The following PRKCB variants were observed in gnomAD, a reference collection of about 807,000 sequenced individuals.
PRKCB encodes the protein protein kinase C beta.
In PRKCB, 13 loss-of-function variants were observed where a neutral mutation model predicts 81.5. The observed-to-expected ratio is 0.16, with a 90% CI of 0.10 to 0.25. PRKCB has a LOEUF of 0.25. PRKCB is among the 10% of genes least tolerant of loss of function. The pLI is 1.00. For missense variants in PRKCB, 509 were observed against 875.7 expected (o/e 0.58, Z 5.29); for synonymous variants, 335 against 321.4 (o/e 1.04, Z -0.45).
chr16:24,175,708 G>A (rs1224094966), intron 12 of PRKCB, among the ~76,000 whole-genome samples: 1 of 151,808 alleles, frequency 6.6e-6, no homozygotes, highest in East Asian at 1.9e-4. Flanking sequence ...ACAGTAGCTA[G>A]CACCTGTAAT....
At chr16:23,999,612 C>G (rs1965005749) in intron 3 of PRKCB, among the ~76,000 whole-genome samples, 3 of 152,198 alleles carry the variant, frequency 2.0e-5, no homozygotes, top group Admixed American at 6.5e-5. Context: ...TTGATCTCAC[C>G]AGGCAGGAAA....
At chr16:24,083,309 C>T (rs751146383) in intron 5 of PRKCB, among the ~76,000 whole-genome samples, 17 of 152,196 alleles carry the variant, frequency 1.1e-4, no homozygotes, top group African/African-American at 3.6e-4. Context: ...GCTAAACAAA[C>T]GCATATAACT....
chr16:23,973,370 T>C (rs1453239934), intron 2 of PRKCB, among the ~76,000 whole-genome samples: 3 of 152,056 alleles, frequency 2.0e-5, no homozygotes, highest in Non-Finnish European at 4.4e-5. Flanking sequence ...TTAGTAGAGA[T>C]GGGGATTTCA....
chr16:23,957,369 A>G (rs1964363654), intron 2 of PRKCB, among the ~76,000 whole-genome samples: 1 of 152,228 alleles, frequency 6.6e-6, no homozygotes, highest in Non-Finnish European at 1.5e-5. Flanking sequence ...TAAACCTTGT[A>G]AGCCCTGGAA....
At chr16:24,182,903 T>TGTGTGTGTGTG (rs1311568875) in intron 13 of PRKCB, among the ~76,000 whole-genome samples, 9 of 35,160 alleles carry the variant, frequency 2.6e-4, no homozygotes, top group South Asian at 2.2e-3. Context: ...GTGTGTGTGT[T>TGTGTGTGTGTG]TGAGACAGGG....
chr16:24,059,494 CA>C (rs869268124), intron 5 of PRKCB, among the ~76,000 whole-genome samples: 19 of 150,612 alleles, frequency 1.3e-4, no homozygotes, highest in African/African-American at 4.2e-4. Context: ...TCCATTTCTA[CA>C]AAAAAAAATT....
chr16:24,108,935 A>G (rs1966620873), intron 7 of PRKCB, among the ~76,000 whole-genome samples: 1 of 148,552 alleles, frequency 6.7e-6, no homozygotes, highest in South Asian at 2.1e-4. Flanking sequence ...GCGGCCGGGC[A>G]GAGGCGCCCC....
chr16:23,851,926 A>G (rs1361755806), intron 2 of PRKCB, among the ~76,000 whole-genome samples: 1 of 152,172 alleles, frequency 6.6e-6, no homozygotes, highest in Non-Finnish European at 1.5e-5. Context: ...GAATAATTAG[A>G]TAATCTAATA....
intron 3 of PRKCB, among the ~76,000 whole-genome samples, chr16:24,017,448 C>G (rs1414436626): frequency 6.6e-6 from 1 of 151,968 alleles, no homozygotes; most frequent in Non-Finnish European, 1.5e-5. Flanking sequence ...ACAGCAGAGA[C>G]AGAAACCATA....
chr16:23,884,912 A>G (rs1963175652), intron 2 of PRKCB, among the ~76,000 whole-genome samples: 1 of 24,480 alleles, frequency 4.1e-5, no homozygotes, highest in African/African-American at 1.8e-4. Flanking sequence ...TTCAGCAAAT[A>G]TGGATGATTG....
At chr16:24,019,446 AT>A (rs1307227457) in intron 3 of PRKCB, among the ~76,000 whole-genome samples, 1 of 152,144 alleles carries the variant, frequency 6.6e-6, no homozygotes, top group Non-Finnish European at 1.5e-5. Context: ...CAGCACCTTG[AT>A]TTTTTTGTTT....
intron 7 of PRKCB, among the ~76,000 whole-genome samples, chr16:24,110,715 T>C (rs1020050273): frequency 6.6e-6 from 1 of 151,870 alleles, no homozygotes; most frequent in Admixed American, 6.6e-5. Flanking sequence ...AGACAGGGTC[T>C]CGCTATGTTG....
chr16:23,926,234 G>GC (rs919353620), intron 2 of PRKCB, among the ~76,000 whole-genome samples: 7 of 151,952 alleles, frequency 4.6e-5, no homozygotes, highest in Non-Finnish European at 7.4e-5. Context: ...TCACACAACT[G>GC]CCCCCCAGCC....
chr16:23,867,340 T>A (rs1397695264), intron 2 of PRKCB, among the ~76,000 whole-genome samples: 1 of 152,174 alleles, frequency 6.6e-6, no homozygotes, highest in East Asian at 1.9e-4. Context: ...CAGGTGGGTC[T>A]TGAACTCCTG....
At chr16:24,075,161 T>C (rs934487034) in intron 5 of PRKCB, among the ~76,000 whole-genome samples, 1 of 150,252 alleles carries the variant, frequency 6.7e-6, no homozygotes, top group African/African-American at 2.5e-5. Context: ...TTAAATAAAA[T>C]GCAAAACTCA....
At chr16:23,920,661 C>G (rs1406304198) in intron 2 of PRKCB, among the ~76,000 whole-genome samples, 1 of 152,142 alleles carries the variant, frequency 6.6e-6, no homozygotes, top group Non-Finnish European at 1.5e-5. Flanking sequence ...GCATTCTCTG[C>G]ATACTCTTGG....
intron 3 of PRKCB, among the ~76,000 whole-genome samples, chr16:24,021,104 T>TTTCC (rs1965377264): frequency 1.4e-5 from 2 of 140,108 alleles, no homozygotes; most frequent in Non-Finnish European, 3.1e-5. Context: ...TCTTTCTTTC[T>TTTCC]TTCCTTCTCT....
chr16:24,157,023 G>A (rs1596573524), intron 10 of PRKCB, among the ~76,000 whole-genome samples: 1 of 131,832 alleles, frequency 7.6e-6, no homozygotes, highest in Admixed American at 7.4e-5. Context: ...GTGTCTTTGT[G>A]GTTTATTATT....
rs1160842975 is a variant in PRKCB at position 24,049,047 on chromosome 16, G to GTTTTTTTTTT, written c.529+13521_529+13530dup. Among the ~76,000 whole-genome samples the GTTTTTTTTTT allele has an allele frequency of 1.5e-3, 77 of 49,696 alleles. 14 individuals carry two copies. The highest frequency in any genetic ancestry group is 2.0e-3 in the Non-Finnish European group (57 of 28,606). 32.6% of individuals were successfully genotyped at this position (49,696 alleles called of 152,430 possible). On this transcript the variant is annotated intron_variant, in intron 5 of 16. Coordinates refer to ENST00000643927, the MANE Select transcript of PRKCB (RefSeq NM_002738.7). ...TGATAACATTTCTTCAAATTGGCCT[G>GTTTTTTTTTT]TTTTTTTTTTTTTTTTTTTTTTTTT...
Sources: gnomAD v4.1 joint callset for allele counts (sites outside exome capture counted in the v4.1 genomes callset) on GRCh38, gnomAD v4.1.1 for gene constraint, MANE v1.5 for transcripts, NCBI Gene and HGNC (gene_info 2026-07-23, HGNC 2026-07-21) for gene names.